ANO2: variants seen among roughly 807,000 people sequenced by gnomAD.
ANO2 encodes anoctamin-2.
Under a neutral mutation model 124.2 loss-of-function variants are expected in ANO2, and 101 were observed. The observed-to-expected ratio is 0.81, with a 90% CI of 0.69 to 0.96. ANO2 has a LOEUF of 0.96. ANO2 is among the 40% of genes least tolerant of loss of function. The pLI is 0.00. For missense variants in ANO2, 1,293 were observed against 1,274.5 expected (o/e 1.01, Z -0.22); for synonymous variants, 486 against 482.5 (o/e 1.01, Z -0.09).
At chr12:5,775,538 T>G (rs1232228499) in intron 10 of ANO2, among the ~76,000 whole-genome samples, 1 of 149,920 alleles carries the variant, frequency 6.7e-6, no homozygotes, top group Admixed American at 6.7e-5. Flanking sequence ...CTTGGCTCAC[T>G]GCAAGCTCCG....
chr12:5,610,723 C>T (rs367806143), intron 19 of ANO2, among the ~76,000 whole-genome samples: 14 of 116,830 alleles, frequency 1.2e-4, no homozygotes, highest in East Asian at 2.4e-4. Flanking sequence ...CACATATATA[C>T]ATATATATAT....
At chr12:5,673,997 ACC>A (rs1565551832) in intron 14 of ANO2, among the ~76,000 whole-genome samples, 1 of 152,114 alleles carries the variant, frequency 6.6e-6, no homozygotes. Flanking sequence ...GTTCTCTGAG[ACC>A]ACCCTCCTCT....
At chr12:5,786,386 T>C (rs1459475222) in intron 10 of ANO2, among the ~76,000 whole-genome samples, 4 of 152,162 alleles carry the variant, frequency 2.6e-5, no homozygotes, top group Admixed American at 2.6e-4. Flanking sequence ...CAGTACTGTC[T>C]GTATTAAACT....
At chr12:5,614,546 T>C (rs540250980) in intron 17 of ANO2, among the ~76,000 whole-genome samples, 1 of 152,328 alleles carries the variant, frequency 6.6e-6, no homozygotes, top group East Asian at 1.9e-4. Flanking sequence ...GGAAGCTTCA[T>C]GATTAAGAAC....
intron 3 of ANO2, among the ~76,000 whole-genome samples, chr12:5,901,489 T>C (rs942120849): frequency 6.6e-6 from 1 of 152,032 alleles, no homozygotes. Flanking sequence ...TAGGGAGATA[T>C]TACGTAAGAG....
intron 9 of ANO2, among the ~76,000 whole-genome samples, chr12:5,802,158 G>A (rs992707646): frequency 6.6e-6 from 1 of 152,174 alleles, no homozygotes; most frequent in East Asian, 1.9e-4. Context: ...TGGCCTCAAC[G>A]GAGAGCTGAC....
chr12:5,728,192 G>A (rs1172717384), intron 14 of ANO2, among the ~76,000 whole-genome samples: 7 of 152,018 alleles, frequency 4.6e-5, no homozygotes, highest in Non-Finnish European at 8.8e-5. Flanking sequence ...AATATATCCA[G>A]ATTGGAAAAA....
intron 3 of ANO2, among the ~76,000 whole-genome samples, chr12:5,888,998 G>A (rs918246398): frequency 5.3e-5 from 8 of 152,240 alleles, no homozygotes; most frequent in African/African-American, 1.9e-4. Context: ...AGCTGGGGAG[G>A]CTCAGGCATG....
chr12:5,651,296 A>G (rs1482302284), intron 14 of ANO2, among the ~76,000 whole-genome samples: 1 of 152,262 alleles, frequency 6.6e-6, no homozygotes. Context: ...TTGGCAAGCT[A>G]AACATTTGGA....
chr12:5,623,594 G>C (rs189604807), intron 16 of ANO2, among the ~76,000 whole-genome samples: 1 of 152,200 alleles, frequency 6.6e-6, no homozygotes, highest in East Asian at 1.9e-4. Context: ...GGCCAGCTCA[G>C]GACTGAAAGT....
At chr12:5,853,968 C>A in intron 4 of ANO2, 75 bp downstream of exon 4, 2 of 1,184,746 alleles carry the variant, frequency 1.7e-6, no homozygotes, top group South Asian at 2.6e-5. Context: ...CACATCCCAC[C>A]TGGCCCTATT....
Position 5,636,333 on chromosome 12 carries a change from T to C in ANO2, c.1621-986A>G, listed in dbSNP as rs1391812723. Among the ~76,000 whole-genome samples, 1 of 152,094 alleles carries C rather than the reference T, an allele frequency of 6.6e-6. No individual in the cohort carries two copies. Among genetic ancestry groups the C allele is most frequent in the African/African-American group, 2.4e-5 (1 of 41,398 alleles). The stretch of plus-strand genomic sequence containing the variant: ...AGGATGCTATGAGAAGCAAGTGCCC[T>C]GAGTAAAGCCTCTTAGAGGGGATAG... On this transcript the variant is annotated intron_variant, in intron 15 of 24. Coordinates refer to ENST00000682330, the MANE Select transcript of ANO2 (RefSeq NM_001364791.2). The surrounding 1 kb of genome is among the most constrained non-coding windows in gnomAD (Gnocchi z 4.6).
intron 10 of ANO2, among the ~76,000 whole-genome samples, chr12:5,786,703 T>C (rs1308088761): frequency 6.6e-6 from 1 of 151,814 alleles, no homozygotes; most frequent in Non-Finnish European, 1.5e-5. Context: ...TCCCCGGGAG[T>C]TGTCTGCATG....
chr12:5,768,669 C>A (rs1951972815), intron 10 of ANO2, among the ~76,000 whole-genome samples: 1 of 152,158 alleles, frequency 6.6e-6, no homozygotes, highest in Non-Finnish European at 1.5e-5. Context: ...TCATCACCAG[C>A]CTGGCCACCG....
chr12:5,932,182 A>G, intron 1 of ANO2, among the ~76,000 whole-genome samples: 1 of 148,432 alleles, frequency 6.7e-6, no homozygotes, highest in Non-Finnish European at 1.5e-5. Context: ...GAAAGAAGAC[A>G]GAAAAGGAAG....
chr12:5,860,154 C>T (rs1955222967), intron 3 of ANO2, among the ~76,000 whole-genome samples: 1 of 152,150 alleles, frequency 6.6e-6, no homozygotes, highest in Non-Finnish European at 1.5e-5. Flanking sequence ...CACATTCTAT[C>T]CCTCCATTGC....
At chr12:5,736,452 G>C (rs1012739431) in intron 13 of ANO2, among the ~76,000 whole-genome samples, 1 of 152,190 alleles carries the variant, frequency 6.6e-6, no homozygotes. Flanking sequence ...TAAGGTTATA[G>C]AAAGCTAGAC....
intron 4 of ANO2, among the ~76,000 whole-genome samples, chr12:5,839,128 C>A (rs953120154): frequency 2.0e-5 from 3 of 152,112 alleles, no homozygotes; most frequent in Non-Finnish European, 2.9e-5. Flanking sequence ...CAAGGGGAGC[C>A]CTGTGAGTCC....
rs568048843 is a variant in ANO2 at position 5,914,178 on chromosome 12, T to C, written c.534+6862A>G. 1.3e-3 allele frequency among the ~76,000 whole-genome samples: 200 copies of C among 148,960 alleles called. 2 individuals carry two copies. The highest frequency in any genetic ancestry group is 7.5e-4 in the Admixed American group (11 of 14,728). On this transcript the variant is annotated intron_variant, in intron 3 of 24. Transcript: ENST00000682330. The stretch of plus-strand genomic sequence containing the variant: ...TTGCGCTACTGCACTCCAGCCTAGG[T>C]GACAGAGTGAGACTCCATCTCAAAA...
Sources: gnomAD v4.1 joint callset for allele counts (sites outside exome capture counted in the v4.1 genomes callset) on GRCh38, gnomAD v4.1.1 for gene constraint, Gnocchi (gnomAD v3.1) non-coding constraint, MANE v1.5 for transcripts, NCBI Gene and HGNC (gene_info 2026-07-23, HGNC 2026-07-21) for gene names.